The following DHX34 variants were observed in gnomAD, a reference collection of about 807,000 sequenced individuals.
The protein encoded by DHX34 is DExH-box helicase 34.
DHX34 carries 96 observed loss-of-function variants against 111.1 expected under a neutral mutation model. That is an observed-to-expected ratio of 0.86 (90% confidence interval 0.73 to 1.02). The LOEUF (loss-of-function observed/expected upper bound fraction) is 1.02. Ranked by LOEUF, DHX34 falls within the 50% of genes least tolerant of loss-of-function variation. DHX34 has a pLI of 0.00. For missense variants in DHX34, 1,560 were observed against 1,579.9 expected, an observed-to-expected ratio of 0.99 and a Z score of 0.21; for synonymous variants, 688 against 670.4, an observed-to-expected ratio of 1.03 and a Z score of -0.41.
intron 10 of DHX34, 26 bp downstream of exon 10, chr19:47,375,734 G>T: frequency 6.4e-7 from 1 of 1,560,090 alleles, no homozygotes; most frequent in African/African-American, 1.4e-5. Flanking sequence ...TGTGGGGTGT[G>T]GGGGTTTACC....
intron 6 of DHX34, among the ~76,000 whole-genome samples, chr19:47,366,147 T>C (rs1334928252): frequency 1.3e-5 from 2 of 152,208 alleles, no homozygotes; most frequent in Non-Finnish European, 2.9e-5. Context: ...AGGATTCTGA[T>C]TGGTCCAGCT....
At chr19:47,354,557 A>G (rs1475075514) in intron 2 of DHX34, among the ~76,000 whole-genome samples, 1 of 152,234 alleles carries the variant, frequency 6.6e-6, no homozygotes, top group African/African-American at 2.4e-5. Context: ...GCCCAAGGTC[A>G]GTTGGCACTA....
At chr19:47,359,765 G>A in intron 4 of DHX34, 1 of 856,114 alleles carries the variant, frequency 1.2e-6, no homozygotes, top group African/African-American at 1.8e-5. Flanking sequence ...CTGGGCGACA[G>A]AGCAAGACTC....
intron 8 of DHX34, 85 bp from the exon 9 acceptor site, chr19:47,373,514 A>G: frequency 1.3e-6 from 2 of 1,526,342 alleles, no homozygotes; most frequent in Non-Finnish European, 1.8e-6. Flanking sequence ...AGGGATGCCC[A>G]TTTTGGGGCT....
intron 6 of DHX34, among the ~76,000 whole-genome samples, chr19:47,365,018 G>C (rs1310147432): frequency 1.3e-5 from 2 of 151,914 alleles, no homozygotes; most frequent in Non-Finnish European, 2.9e-5. Flanking sequence ...ACATTTTCTA[G>C]ACTCCTCTGG....
At chr19:47,354,713 C>A (rs1482410713) in intron 2 of DHX34, among the ~76,000 whole-genome samples, 1 of 152,050 alleles carries the variant, frequency 6.6e-6, no homozygotes, top group African/African-American at 2.4e-5. Context: ...TGCAATGGTG[C>A]GATCTTGGCT....
chr19:47,364,246 A>C (rs1377504291), intron 6 of DHX34, among the ~76,000 whole-genome samples: 1 of 152,110 alleles, frequency 6.6e-6, no homozygotes, highest in African/African-American at 2.4e-5. Flanking sequence ...GTCAGTCCTC[A>C]GTCTCGTGGC....
chr19:47,381,266 C>A lies in DHX34; in HGVS notation c.3240C>A (p.Pro1080=). Residue 1080 remains proline (P), a synonymous_variant, in exon 16 of 17, where the codon CCC becomes CCA. Coordinates refer to ENST00000328771, the MANE Select transcript of DHX34 (RefSeq NM_014681.6). ...PHCGLHAPLT[P]LERIAHENTC... ...GTGGCCTGCATGCGCCCCTCACGCCCCTGGAGCGCATCGCCCATGAGAACA... is the reference window on the plus strand; with the variant it reads ...GTGGCCTGCATGCGCCCCTCACGCCACTGGAGCGCATCGCCCATGAGAACA... 6.2e-7 allele frequency: 1 copy of A among 1,614,064 alleles called. No homozygotes were observed. Among genetic ancestry groups the A allele is most frequent in the South Asian group, 1.1e-5 (1 of 91,090 alleles).
At chr19:47,378,025 G>A (rs1009632623) in intron 13 of DHX34, among the ~76,000 whole-genome samples, 5 of 152,078 alleles carry the variant, frequency 3.3e-5, no homozygotes, top group African/African-American at 9.7e-5. Flanking sequence ...AGGCAGGGGC[G>A]GGGATACGTC....
intron 5 of DHX34, among the ~76,000 whole-genome samples, chr19:47,361,793 A>T (rs930410398): frequency 6.6e-6 from 1 of 152,146 alleles, no homozygotes. Context: ...AAGAAAGAAA[A>T]TGTAAAAAAA....
At chr19:47,364,709 G>T (rs1969738020) in intron 6 of DHX34, among the ~76,000 whole-genome samples, 1 of 152,168 alleles carries the variant, frequency 6.6e-6, no homozygotes. Context: ...CTGCACTCCA[G>T]CCTGAGTGAT....
Position 47,355,285 on chromosome 19 carries a change from C to G in DHX34, c.952C>G (p.Leu318Val). 6.2e-7 allele frequency: 1 copy of G among 1,614,156 alleles called. No homozygotes were observed. The highest frequency in any genetic ancestry group is 8.5e-7 in the Non-Finnish European group (1 of 1,180,030). Reference protein sequence around the residue: ...ILMSATINISLFSSYFSNAPV... With the variant: ...ILMSATINISVFSSYFSNAPV... ...CATGTCGGCCACCATCAACATCTCG[C>G]TCTTCTCCAGCTATTTCAGCAATGC... is the stretch of plus-strand genomic sequence containing the variant. The change falls in exon 3 of 17, where the codon CTC (leucine) becomes GTC (valine). Residue 318 changes from leucine to valine, a missense_variant. Transcript: ENST00000328771.
chr19:47,371,382 G>C (rs985191518), intron 7 of DHX34, among the ~76,000 whole-genome samples: 3 of 152,228 alleles, frequency 2.0e-5, no homozygotes, highest in Admixed American at 6.5e-5. Flanking sequence ...AGTTCTGAAC[G>C]CTTCACAGGG....
chr19:47,355,074 G>A lies in DHX34; in HGVS notation c.741G>A (p.Ser247=), dbSNP rs146465678. The A allele has an allele frequency of 2.9e-5, 46 of 1,613,732 alleles. No homozygotes were observed. The highest frequency in any genetic ancestry group is 4.4e-5 in the South Asian group (4 of 91,084). ...GYQIRFESTR[S]AATKIVFLTV... is the part of the protein sequence containing the mutation. Reference sequence around the variant, plus strand: ...AGATCCGCTTTGAGAGCACACGTTCGGCGGCCACCAAGATTGTATTCCTGA... The same window carrying A: ...AGATCCGCTTTGAGAGCACACGTTCAGCGGCCACCAAGATTGTATTCCTGA... Residue 247 remains serine (S), a synonymous_variant, in exon 3 of 17, where the codon TCG becomes TCA. Transcript: ENST00000328771.
At chr19:47,361,345 C>G (rs1282838057) in intron 5 of DHX34, among the ~76,000 whole-genome samples, 1 of 151,954 alleles carries the variant, frequency 6.6e-6, no homozygotes, top group East Asian at 1.9e-4. Context: ...GTAGTCCCAG[C>G]TGCTCAGGAG....
chr19:47,351,037 T>C (rs755878018), intron 1 of DHX34, among the ~76,000 whole-genome samples: 2 of 151,944 alleles, frequency 1.3e-5, no homozygotes, highest in South Asian at 2.1e-4. Context: ...GACACAGTTA[T>C]ACAGAAACTA....
intron 1 of DHX34, among the ~76,000 whole-genome samples, chr19:47,350,425 T>A (rs1026055613): frequency 1.3e-5 from 2 of 151,518 alleles, no homozygotes; most frequent in Non-Finnish European, 2.9e-5. Flanking sequence ...AATGAATTTT[T>A]TTTTTTTTTT....
intron 7 of DHX34, among the ~76,000 whole-genome samples, chr19:47,370,708 ACT>A (rs1969938451): frequency 6.6e-6 from 1 of 151,874 alleles, no homozygotes; most frequent in Non-Finnish European, 1.5e-5. Flanking sequence ...ATGGAGTTTC[ACT>A]CTGTCCTCCA....
At chr19:47,366,743 T>TTTGTA in intron 6 of DHX34, 1 of 668,060 alleles carries the variant, frequency 1.5e-6, no homozygotes, top group Non-Finnish European at 1.8e-6. Context: ...ACCACTAATT[T>TTTGTA]TTGTATTTTT....
Sources: allele counts gnomAD v4.1 joint callset (sites outside exome capture counted in the v4.1 genomes callset), GRCh38; gene constraint gnomAD v4.1.1; transcripts MANE v1.5; gene names NCBI Gene and HGNC (gene_info 2026-07-23, HGNC 2026-07-21).